Variants in ITPK1 observed in about 807,000 individuals in gnomAD.
ITPK1 encodes the protein inositol-tetrakisphosphate 1-kinase, also known as inositol 1,3,4-trisphosphate 5/6-kinase.
In ITPK1, 21 loss-of-function variants were observed where a neutral mutation model predicts 45.3. The ratio of observed to expected loss-of-function variants is 0.46; its 90% CI spans 0.33 to 0.67. The LOEUF is 0.67. Ranked by LOEUF, ITPK1 falls within the 30% of genes least tolerant of loss-of-function variation. ITPK1 has a pLI of 0.02. For synonymous variants in ITPK1, 258 were observed against 253.6 expected (o/e 1.02, Z -0.16); for missense variants, 474 against 573.5 (o/e 0.83, Z 1.77).
At chr14:93,010,047 G>A (rs1342365097) in intron 4 of ITPK1, among the ~76,000 whole-genome samples, 2 of 152,192 alleles carry the variant, frequency 1.3e-5, no homozygotes, top group Admixed American at 6.5e-5. Context: ...GAGAACGCCC[G>A]TGGCAGAATG....
intron 3 of ITPK1, among the ~76,000 whole-genome samples, chr14:93,049,288 T>C (rs964511676): frequency 5.9e-5 from 9 of 152,178 alleles, no homozygotes; most frequent in African/African-American, 2.2e-4. Context: ...CAGGGCTCTG[T>C]GCTAAGTACC....
At chr14:93,085,643 G>A (rs1344387308) in intron 2 of ITPK1, among the ~76,000 whole-genome samples, 2 of 152,212 alleles carry the variant, frequency 1.3e-5, no homozygotes, top group African/African-American at 4.8e-5. Context: ...TCAGGAAGGA[G>A]GAAGTGAGGC....
At chr14:92,955,058 C>G (rs987086423) in intron 8 of ITPK1, among the ~76,000 whole-genome samples, 4 of 152,198 alleles carry the variant, frequency 2.6e-5, no homozygotes, top group African/African-American at 9.7e-5. Context: ...CAGCAGCTCA[C>G]GCAGGGCTGG....
In ITPK1 at chr14:93,076,582, G is replaced by A. The variant is rs374206054; in HGVS notation, c.120+13C>T. The A allele has an allele frequency of 1.8e-5, 29 of 1,613,966 alleles. No homozygotes were observed. The highest frequency in any genetic ancestry group is 1.6e-4 in the Middle Eastern group (1 of 6,080). ...ACTACCCAAAGAACCACGGGGACGC[G>A]GTCTGTACTCACCTGCACAACCTCC... On this transcript the variant is annotated intron_variant, in intron 3 of 10. Coordinates refer to ENST00000267615, the MANE Select transcript of ITPK1 (RefSeq NM_014216.6). This position sits in a 1 kb window ranked among gnomAD's most constrained non-coding sequence, Gnocchi z 4.3.
chr14:92,961,778 T>C (rs1885086966), intron 7 of ITPK1, among the ~76,000 whole-genome samples: 1 of 152,214 alleles, frequency 6.6e-6, no homozygotes, highest in African/African-American at 2.4e-5. Flanking sequence ...ACTGTGGTGG[T>C]ATCTGGAGGT....
chr14:92,994,403 C>T (rs1026602179), intron 4 of ITPK1, among the ~76,000 whole-genome samples: 14 of 152,060 alleles, frequency 9.2e-5, no homozygotes, highest in South Asian at 4.2e-4. Context: ...AGAGGGTCTG[C>T]GGGAAGGTGT....
intron 4 of ITPK1, among the ~76,000 whole-genome samples, chr14:93,002,637 T>C (rs539495035): frequency 6.6e-6 from 1 of 152,288 alleles, no homozygotes; most frequent in African/African-American, 2.4e-5. Context: ...GTGTGTTCCA[T>C]TTGGGGTCTG....
intron 7 of ITPK1, among the ~76,000 whole-genome samples, chr14:92,961,507 C>A (rs903356763): frequency 6.6e-6 from 1 of 152,234 alleles, no homozygotes; most frequent in African/African-American, 2.4e-5. Flanking sequence ...TGATTCTAAG[C>A]AGCCCTCTTT....
At chr14:92,963,232 C>T (rs1469402639) in intron 5 of ITPK1, among the ~76,000 whole-genome samples, 2 of 152,212 alleles carry the variant, frequency 1.3e-5, no homozygotes, top group African/African-American at 4.8e-5. Context: ...CTTCATAAGC[C>T]ATGACCATTT....
At chr14:93,105,092 G>A (rs186852133) in intron 2 of ITPK1, among the ~76,000 whole-genome samples, 206 of 152,338 alleles carry the variant, frequency 1.4e-3, no homozygotes, top group African/African-American at 4.6e-3. Flanking sequence ...GGTAGCAACA[G>A]CAGGTAGAAC....
intron 5 of ITPK1, among the ~76,000 whole-genome samples, chr14:92,976,771 G>A (rs1049735914): frequency 1.3e-5 from 2 of 152,150 alleles, no homozygotes; most frequent in African/African-American, 4.8e-5. Context: ...TGAGTTGGTT[G>A]CACGTTCAAG....
intron 4 of ITPK1, among the ~76,000 whole-genome samples, chr14:92,999,993 C>T (rs1332165067): frequency 6.6e-6 from 1 of 152,196 alleles, no homozygotes; most frequent in Non-Finnish European, 1.5e-5. Context: ...TCAAGCGAAG[C>T]CATGTGATGT....
chr14:93,060,635 G>A (rs560275332), intron 3 of ITPK1, among the ~76,000 whole-genome samples: 1 of 152,318 alleles, frequency 6.6e-6, no homozygotes, highest in African/African-American at 2.4e-5. Flanking sequence ...GGAAAATTCA[G>A]GAAGGCCACG....
rs115653338 is a variant in ITPK1 at position 92,987,656 on chromosome 14, G to T, written c.364+6224C>A. Among the ~76,000 whole-genome samples the T allele has an allele frequency of 6.4e-3, 970 of 152,258 alleles. 13 individuals carry two copies. Among genetic ancestry groups the T allele is most frequent in the African/African-American group, 0.022 (931 of 41,538 alleles). On this transcript the variant is annotated intron_variant, in intron 5 of 10. Coordinates refer to ENST00000267615, the MANE Select transcript of ITPK1 (RefSeq NM_014216.6). Reference sequence around the variant, plus strand: ...TGGAGCTCAGCTTGAAGATGCACCAGCTCTGAAACCTCAACTAAGTTACCA... The same window carrying T: ...TGGAGCTCAGCTTGAAGATGCACCATCTCTGAAACCTCAACTAAGTTACCA...
chr14:92,986,794 G>A (rs1886505822), intron 5 of ITPK1, among the ~76,000 whole-genome samples: 1 of 152,196 alleles, frequency 6.6e-6, no homozygotes, highest in African/African-American at 2.4e-5. Context: ...CCTAGATGAA[G>A]GTGCATCTCT....
At chr14:92,996,433 C>T (rs1331539641) in intron 4 of ITPK1, among the ~76,000 whole-genome samples, 9 of 68,566 alleles carry the variant, frequency 1.3e-4, no homozygotes, top group African/African-American at 4.5e-4. Flanking sequence ...GGGCCTGTCG[C>T]GGGGTGGGGG....
At chr14:93,062,911 C>T (rs183714586) in intron 3 of ITPK1, among the ~76,000 whole-genome samples, 8 of 152,178 alleles carry the variant, frequency 5.3e-5, no homozygotes, top group Non-Finnish European at 7.3e-5. Context: ...CAAAAATAAC[C>T]GAGGGTCCTG....
intron 10 of ITPK1, among the ~76,000 whole-genome samples, chr14:92,943,657 C>T (rs116695677): frequency 6.6e-6 from 1 of 152,354 alleles, no homozygotes; most frequent in African/African-American, 2.4e-5. Context: ...GGCAGGGAGG[C>T]CGCTTTCTGT....
At chr14:93,107,932 G>A (rs1313585482) in intron 2 of ITPK1, among the ~76,000 whole-genome samples, 2 of 152,222 alleles carry the variant, frequency 1.3e-5, no homozygotes, top group African/African-American at 4.8e-5. Flanking sequence ...GGTATGGCCT[G>A]GCCACTCTAA....
Sources: allele counts gnomAD v4.1 joint callset (sites outside exome capture counted in the v4.1 genomes callset), GRCh38; gene constraint gnomAD v4.1.1; non-coding constraint Gnocchi (gnomAD v3.1); transcripts MANE v1.5; gene names NCBI Gene and HGNC (gene_info 2026-07-23, HGNC 2026-07-21).